The following FAM120A variants were observed in gnomAD, a reference collection of about 807,000 sequenced individuals.
The protein encoded by FAM120A is constitutive coactivator of PPAR-gamma-like protein 1.
In FAM120A, 15 loss-of-function variants were observed where a neutral mutation model predicts 109.7. The observed-to-expected ratio is 0.14, with a 90% CI of 0.09 to 0.21. FAM120A has a LOEUF of 0.21. Ranked by LOEUF, FAM120A falls within the 10% of genes least tolerant of loss-of-function variation. The probability of loss-of-function intolerance (pLI) is 1.00; values close to 1 mark genes in which losing one functional copy is unlikely to be tolerated. For missense variants in FAM120A, 899 were observed against 1,439.3 expected (o/e 0.62, Z 6.07); for synonymous variants, 493 against 572.8 (o/e 0.86, Z 1.99).
intron 5 of FAM120A, among the ~76,000 whole-genome samples, chr9:93,499,216 C>T (rs1859697790): frequency 6.6e-6 from 1 of 151,824 alleles, no homozygotes; most frequent in Non-Finnish European, 1.5e-5. Flanking sequence ...AGGGCCTCCA[C>T]AACTGCAAGT....
chr9:93,525,631 C>A (rs1267897660), intron 7 of FAM120A, among the ~76,000 whole-genome samples: 1 of 152,224 alleles, frequency 6.6e-6, no homozygotes, highest in Non-Finnish European at 1.5e-5. Flanking sequence ...CTGACTCATG[C>A]ATCTCTATCA....
chr9:93,534,283 G>T (rs2131484929), intron 10 of FAM120A, among the ~76,000 whole-genome samples: 1 of 152,264 alleles, frequency 6.6e-6, no homozygotes, highest in East Asian at 1.9e-4. Context: ...TGGGGATTGT[G>T]GAAGCCAGGG....
At chr9:93,467,043 A>G (rs1858055121) in intron 1 of FAM120A, among the ~76,000 whole-genome samples, 1 of 152,148 alleles carries the variant, frequency 6.6e-6, no homozygotes, top group Admixed American at 6.5e-5. Context: ...TAGATTTGTC[A>G]GTCTGCATTC....
chr9:93,543,418 G>T lies in FAM120A; in HGVS notation c.2106G>T (p.Met702Ile), dbSNP rs778996821. Residue 702 changes from methionine (M) to isoleucine (I), a missense_variant, in exon 11 of 18, where the codon ATG becomes ATT. This residue lies in a region of FAM120A where 133 missense variants were observed against 276.6 expected (regional missense o/e 0.48). Transcript: ENST00000277165. The part of the protein sequence containing the change: ...LACMRSDTPA[M>I]LNPANVPTHL... The stretch of plus-strand genomic sequence containing the variant: ...GCATGAGGTCGGACACCCCAGCCAT[G>T]CTCAACCCTGCCAACGTGCCCACTC... The T allele has an allele frequency of 9.3e-6, 15 of 1,614,164 alleles. No individual in the cohort carries two copies. In the Admixed American group the frequency reaches 2.5e-4, roughly 27 times the overall value.
At chr9:93,457,330 T>G (rs947099547) in intron 1 of FAM120A, among the ~76,000 whole-genome samples, 11 of 152,098 alleles carry the variant, frequency 7.2e-5, no homozygotes, top group Admixed American at 3.3e-4. Flanking sequence ...TTTTCCACAG[T>G]GGCTGTGTAG....
chr9:93,538,594 C>T (rs1426903694), intron 10 of FAM120A, among the ~76,000 whole-genome samples: 1 of 152,210 alleles, frequency 6.6e-6, no homozygotes, highest in African/African-American at 2.4e-5. Flanking sequence ...CACCTATGAA[C>T]AGGCGTGCAT....
chr9:93,514,973 C>T (rs1428151092), intron 5 of FAM120A, among the ~76,000 whole-genome samples: 9 of 152,238 alleles, frequency 5.9e-5, no homozygotes, highest in Admixed American at 5.9e-4. Context: ...AGTCCTCTCA[C>T]AGATTTCTTC....
intron 7 of FAM120A, 110 bp downstream of exon 7, chr9:93,516,379 C>A (rs2482298): frequency 1.3e-6 from 2 of 1,493,702 alleles, no homozygotes; most frequent in Non-Finnish European, 1.8e-6. Flanking sequence ...TAGTTTATTG[C>A]AGGTGGGTGA....
chr9:93,474,251 G>A lies in FAM120A; in HGVS notation c.722-2005G>A, dbSNP rs989575005. ...TGCCTAGGCTGGAGTGCAGTGGTGC[G>A]ATCTTGGCTCACTGCAACCTCTGTC... On this transcript the variant is annotated intron_variant, in intron 2 of 17. Coordinates refer to ENST00000277165, the MANE Select transcript of FAM120A (RefSeq NM_014612.5). Among the ~76,000 whole-genome samples, 8 of 151,994 alleles carry A rather than the reference G, an allele frequency of 5.3e-5. No homozygotes were observed. The East Asian group carries it at 5.8e-4, about 11-fold the overall frequency.
Position 93,532,124 on chromosome 9 carries a change from G to A in FAM120A, c.1735-31G>A, listed in dbSNP as rs774407885. On this transcript the variant is annotated intron_variant, in intron 9 of 17. Transcript: ENST00000277165. The surrounding 1 kb of genome is among the most constrained non-coding windows in gnomAD (Gnocchi z 4.3). ...ATTGTAAATTCAACATGAAAAATGT[G>A]CAATGTTATTCTGCTTTCTTCCATG... The A allele has an allele frequency of 2.5e-6, 4 of 1,596,508 alleles. No homozygotes were observed. The highest frequency in any genetic ancestry group is 1.7e-6 in the Non-Finnish European group (2 of 1,166,562).
At position 93,516,135 on chromosome 9, in the gene FAM120A, G is replaced by A. The variant is rs748413239; in HGVS notation, c.1284G>A (p.Thr428=). Residue 428 remains threonine (T), a synonymous_variant, in exon 7 of 18, where the codon ACG becomes ACA. Transcript: ENST00000277165. Reference sequence around the variant, plus strand: ...ACATTCCTCACGAAGGGAAGCACACGCCGCTGTATGAGCGGTCCTCGCCCA... The same window carrying A: ...ACATTCCTCACGAAGGGAAGCACACACCGCTGTATGAGCGGTCCTCGCCCA... ...YSNIPHEGKH[T]PLYERSSPIN... 3.5e-5 allele frequency: 57 copies of A among 1,613,830 alleles called. No homozygotes were observed. The highest frequency in any genetic ancestry group is 4.2e-5 in the Non-Finnish European group (50 of 1,179,876).
At chr9:93,492,682 G>A (rs1261988519) in intron 3 of FAM120A, among the ~76,000 whole-genome samples, 1 of 152,184 alleles carries the variant, frequency 6.6e-6, no homozygotes, top group African/African-American at 2.4e-5. Context: ...GGTGGAGGGT[G>A]GCTGGTGGGG....
intron 7 of FAM120A, among the ~76,000 whole-genome samples, chr9:93,518,070 TG>T (rs1860675641): frequency 6.6e-6 from 1 of 152,200 alleles, no homozygotes; most frequent in South Asian, 2.1e-4. Context: ...CGGGGTCTTG[TG>T]TTTTGCCATC....
intron 5 of FAM120A, among the ~76,000 whole-genome samples, chr9:93,504,801 C>T (rs1859958229): frequency 6.6e-6 from 1 of 152,160 alleles, no homozygotes; most frequent in African/African-American, 2.4e-5. Flanking sequence ...AGGGAACCTC[C>T]AGGGTAGGGC....
At position 93,487,196 on chromosome 9, in the gene FAM120A, C is replaced by G. The variant is rs556566091; in HGVS notation, c.805-10275C>G. On this transcript the variant is annotated intron_variant, in intron 3 of 17. Transcript: ENST00000277165. ...TTGTTTTTTGAGACAGAGCCTCGCT[C>G]TGTCGCCCAGGCTGGAGTGCAGTGG... is the stretch of plus-strand genomic sequence containing the variant. Among the ~76,000 whole-genome samples, 17 of 152,248 alleles carry G rather than the reference C, an allele frequency of 1.1e-4. No homozygotes were observed. The East Asian group carries it at 3.3e-3, about 29-fold the overall frequency.
intron 2 of FAM120A, among the ~76,000 whole-genome samples, chr9:93,473,021 A>AG (rs1858379456): frequency 7.0e-6 from 1 of 143,466 alleles, no homozygotes; most frequent in African/African-American, 2.8e-5. Context: ...ATCTTTGGAC[A>AG]ATTTTTTTTT....
At chr9:93,461,562 G>A (rs1857791670) in intron 1 of FAM120A, among the ~76,000 whole-genome samples, 1 of 152,142 alleles carries the variant, frequency 6.6e-6, no homozygotes, top group African/African-American at 2.4e-5. Context: ...TAGATTACTA[G>A]AGTAGGCTAA....
intron 1 of FAM120A, among the ~76,000 whole-genome samples, chr9:93,466,614 C>G (rs560279150): frequency 6.6e-6 from 1 of 152,196 alleles, no homozygotes; most frequent in African/African-American, 2.4e-5. Context: ...TGGGGTGTCT[C>G]TGTGTCTAGG....
At chr9:93,488,322 T>C (rs6479489) in intron 3 of FAM120A, among the ~76,000 whole-genome samples, 142,530 of 152,242 alleles carry the variant, frequency 0.94, 66,800 homozygotes, top group East Asian at 1. Context: ...GTCAAGACCA[T>C]GGATGGCTGT....
Sources: gnomAD v4.1 joint callset for allele counts (sites outside exome capture counted in the v4.1 genomes callset) on GRCh38, gnomAD v4.1.1 for gene constraint, gnomAD v4.1.1 regional missense constraint, Gnocchi (gnomAD v3.1) non-coding constraint, MANE v1.5 for transcripts, NCBI Gene and HGNC (gene_info 2026-07-23, HGNC 2026-07-21) for gene names.